The following SLC26A4 variants were observed in gnomAD, a reference collection of about 807,000 sequenced individuals.
SLC26A4 encodes the protein pendrin.
SLC26A4 carries 93 observed loss-of-function variants against 90.4 expected under a neutral mutation model. The ratio of observed to expected loss-of-function variants is 1.03; its 90% CI spans 0.87 to 1.22. SLC26A4 has a LOEUF of 1.22. SLC26A4 is among the 50% of genes most tolerant of loss of function. The probability of loss-of-function intolerance (pLI) is 0.00; values close to 1 mark genes in which losing one functional copy is unlikely to be tolerated. For missense variants in SLC26A4, 1,127 were observed against 946.2 expected (o/e 1.19, Z -2.51); for synonymous variants, 393 against 354.6 (o/e 1.11, Z -1.22).
intron 6 of SLC26A4, 42 bp from the exon 7 acceptor site, chr7:107,683,160 G>GT: frequency 6.6e-7 from 1 of 1,510,556 alleles, no homozygotes; most frequent in South Asian, 1.1e-5. Flanking sequence ...GCTCGTGTGC[G>GT]TGTAGCAGCA....
At chr7:107,680,361 T>A (rs183204300) in intron 6 of SLC26A4, among the ~76,000 whole-genome samples, 11,166 of 125,026 alleles carry the variant, frequency 0.089, 661 homozygotes, top group Non-Finnish European at 0.13. Flanking sequence ...TATTATATAA[T>A]CTTATCTTAT....
At chr7:107,704,535 A>C in intron 18 of SLC26A4, 150 bp downstream of exon 18, 2 of 587,258 alleles carry the variant, frequency 3.4e-6, no homozygotes, top group Non-Finnish European at 6.1e-6. Flanking sequence ...GGAATCTGGC[A>C]CTGCTTCATT....
At chr7:107,662,227 T>G in intron 2 of SLC26A4, 1 of 189,270 alleles carries the variant, frequency 5.3e-6, no homozygotes, top group Admixed American at 5.8e-5. Context: ...CGGGCTACCA[T>G]TCAGTTAGAG....
intron 13 of SLC26A4, among the ~76,000 whole-genome samples, chr7:107,697,580 T>A (rs148064210): frequency 1.1e-4 from 17 of 152,286 alleles, no homozygotes; most frequent in African/African-American, 3.8e-4. Context: ...AAAAAATGAC[T>A]AAGTCACAAA....
rs764107808 is a variant in SLC26A4, at chr7:107,715,601, A to T, written c.*155A>T. ...TGCTTCTAGGCTTTATTTATAAAATAAACACCTTATCCCTAACATGGGCAA... is the reference window on the plus strand; with the variant it reads ...TGCTTCTAGGCTTTATTTATAAAATTAACACCTTATCCCTAACATGGGCAA... On this transcript the variant is annotated 3_prime_UTR_variant, in exon 21 of 21. Coordinates refer to ENST00000644269, the MANE Select transcript of SLC26A4 (RefSeq NM_000441.2). 3 of 717,354 alleles carry T rather than the reference A, an allele frequency of 4.2e-6. No homozygotes were observed. The highest frequency in any genetic ancestry group is 5.1e-6 in the Non-Finnish European group (2 of 392,666). The allele number at this position is 717,354 out of a possible 1,614,324, so 44.4% of individuals were successfully genotyped here. A position where few individuals can be genotyped will look rare whatever the true frequency, so the allele number is the denominator to read the frequency against.
intron 3 of SLC26A4, among the ~76,000 whole-genome samples, chr7:107,665,420 A>T (rs545797524): frequency 1.3e-5 from 2 of 152,126 alleles, no homozygotes; most frequent in South Asian, 4.2e-4. Flanking sequence ...CCTAAGTTAA[A>T]CAATGCCAAG....
At chr7:107,702,268 C>A (rs1271987496) in intron 17 of SLC26A4, among the ~76,000 whole-genome samples, 1 of 152,180 alleles carries the variant, frequency 6.6e-6, no homozygotes, top group Non-Finnish European at 1.5e-5. Flanking sequence ...AGCAGTACGA[C>A]CCTGGGCAAG....
Position 107,661,540 on chromosome 7 carries a change from A to G in SLC26A4, c.-3-99A>G. The stretch of plus-strand genomic sequence containing the variant: ...TCGCGGTGCAGGGGGGCCTGGCTGC[A>G]GCTAACAGGTGATCCCGTTCTTTCT... On this transcript the variant is annotated intron_variant, in intron 1 of 20. Coordinates refer to ENST00000644269, the MANE Select transcript of SLC26A4 (RefSeq NM_000441.2). The surrounding 1 kb of genome is among the most constrained non-coding windows in gnomAD (Gnocchi z 5.1). The G allele has an allele frequency of 2.3e-6, 3 of 1,309,082 alleles. No individual in the cohort carries two copies. The highest frequency in any genetic ancestry group is 1.3e-5 in the South Asian group (1 of 78,648). The allele number at this position is 1,309,082 out of a possible 1,614,324, so 81.1% of individuals were successfully genotyped here.
intron 10 of SLC26A4, among the ~76,000 whole-genome samples, chr7:107,693,977 A>C (rs1370997582): frequency 9.9e-5 from 15 of 152,222 alleles, no homozygotes; most frequent in Non-Finnish European, 2.9e-5. Context: ...ATGCAGAAAA[A>C]TCAGCTATGT....
chr7:107,674,117 A>G, intron 4 of SLC26A4, 47 bp from the exon 5 acceptor site: 1 of 1,549,246 alleles, frequency 6.5e-7, no homozygotes, highest in Non-Finnish European at 8.9e-7. Flanking sequence ...CACATTGAAC[A>G]TTTGTGATTA....
rs1274130911 is a variant in SLC26A4 at position 107,715,603 on chromosome 7, A to ACACCTT, written c.*158_*163dup. 1.0e-4 allele frequency: 73 copies of ACACCTT among 711,722 alleles called. No homozygotes were observed. The highest frequency in any genetic ancestry group is 4.9e-4 in the Middle Eastern group (2 of 4,110). The allele number at this position is 711,722 out of a possible 1,614,324, so 44.1% of individuals were successfully genotyped here. On this transcript the variant is annotated 3_prime_UTR_variant, in exon 21 of 21. Coordinates refer to ENST00000644269, the MANE Select transcript of SLC26A4 (RefSeq NM_000441.2). The stretch of plus-strand genomic sequence containing the variant: ...CTTCTAGGCTTTATTTATAAAATAA[A>ACACCTT]CACCTTATCCCTAACATGGGCAAAA...
At position 107,699,590 on chromosome 7, in the gene SLC26A4, G is replaced by A. The variant is rs142272733; in HGVS notation, c.1615-493G>A. Among the ~76,000 whole-genome samples, 169 of 152,260 alleles carry A rather than the reference G, an allele frequency of 1.1e-3. 1 individual carries two copies. The highest frequency in any genetic ancestry group is 3.7e-3 in the African/African-American group (152 of 41,536). On this transcript the variant is annotated intron_variant, in intron 14 of 20. Coordinates refer to ENST00000644269, the MANE Select transcript of SLC26A4 (RefSeq NM_000441.2). ...TCTAACTTTGACCTTCTATGAGACT[G>A]TAGAGGTCCAAGAGTTTTTGTAACC...
rs397516429 is a variant in SLC26A4 at position 107,663,428 on chromosome 7, G to A, written c.297G>A (p.Thr99=). The stretch of plus-strand genomic sequence containing the variant: ...GAGTTAGTACTGGGCTAGTGGCCAC[G>A]CTGCAAGGTAAGATGTTGGCAGATT... ...ISGVSTGLVA[T]LQGMAYALLA... is the part of the protein sequence containing the mutation. The change falls in exon 3 of 21, where the codon ACG becomes ACA. Residue 99 remains threonine, a synonymous_variant. Coordinates refer to ENST00000644269, the MANE Select transcript of SLC26A4 (RefSeq NM_000441.2). The A allele has an allele frequency of 1.5e-5, 24 of 1,613,850 alleles. No homozygotes were observed. Among genetic ancestry groups the A allele is most frequent in the South Asian group, 1.1e-4 (10 of 91,070 alleles).
chr7:107,661,889 G>C lies in SLC26A4; in HGVS notation c.164+84G>C. ...AGGGAAGGGCGTCCCCAGCGGGCGA[G>C]AGTGGGGTGCGGGCGGCGGAGCCCC... On this transcript the variant is annotated intron_variant, in intron 2 of 20. Coordinates refer to ENST00000644269, the MANE Select transcript of SLC26A4 (RefSeq NM_000441.2). The surrounding 1 kb of genome is among the most constrained non-coding windows in gnomAD (Gnocchi z 5.1). 2 of 1,436,650 alleles carry C rather than the reference G, an allele frequency of 1.4e-6. No homozygotes were observed. Among genetic ancestry groups the C allele is most frequent in the Non-Finnish European group, 1.9e-6 (2 of 1,079,916 alleles). The allele number at this position is 1,436,650 out of a possible 1,614,324, so 89.0% of individuals were successfully genotyped here.
At chr7:107,683,427 G>A in intron 7 of SLC26A4, 28 bp from the exon 8 acceptor site, 1 of 1,612,150 alleles carries the variant, frequency 6.2e-7, no homozygotes, top group Non-Finnish European at 8.5e-7. Context: ...AACCAATGGA[G>A]TTTTTAACAT....
At chr7:107,705,668 T>C (rs1792020010) in intron 18 of SLC26A4, among the ~76,000 whole-genome samples, 1 of 152,192 alleles carries the variant, frequency 6.6e-6, no homozygotes, top group Non-Finnish European at 1.5e-5. Context: ...AAGTGTAAGT[T>C]ACCCAAAGAA....
In SLC26A4 at chr7:107,663,357, C is replaced by T. The variant is rs1554352676; in HGVS notation, c.226C>T (p.Pro76Ser). Residue 76 changes from proline (P) to serine (S), a missense_variant, in exon 3 of 21, where the codon CCC (proline) becomes TCC (serine). Transcript: ENST00000644269. ...KTLVPILEWLPKYRVKEWLLS... is the reference protein window; with the variant it reads ...KTLVPILEWLSKYRVKEWLLS... The stretch of plus-strand genomic sequence containing the variant: ...TCTTGTGCCCATCTTGGAGTGGCTC[C>T]CCAAATACCGAGTCAAGGAATGGCT... 1 of 1,614,062 alleles carries T rather than the reference C, an allele frequency of 6.2e-7. No individual in the cohort carries two copies. Among genetic ancestry groups the T allele is most frequent in the Non-Finnish European group, 8.5e-7 (1 of 1,179,990 alleles).
intron 17 of SLC26A4, among the ~76,000 whole-genome samples, chr7:107,703,213 C>G (rs189801883): frequency 4.6e-5 from 7 of 152,292 alleles, no homozygotes; most frequent in Admixed American, 4.6e-4. Flanking sequence ...AATAGGACAT[C>G]ACCTGAAGCA....
intron 19 of SLC26A4, among the ~76,000 whole-genome samples, chr7:107,711,152 G>GAA (rs113888005): frequency 2.2e-4 from 28 of 124,568 alleles, no homozygotes; most frequent in African/African-American, 6.0e-4. Context: ...TATAAAAAAG[G>GAA]AAAAAAAAAA....
Sources: allele counts gnomAD v4.1 joint callset (sites outside exome capture counted in the v4.1 genomes callset), GRCh38; gene constraint gnomAD v4.1.1; non-coding constraint Gnocchi (gnomAD v3.1); transcripts MANE v1.5; gene names NCBI Gene and HGNC (gene_info 2026-07-23, HGNC 2026-07-21).